ENTREP2: variants seen among roughly 807,000 people sequenced by gnomAD.
ENTREP2 encodes protein ENTREP2.
At chr15:29,328,150 T>C in the ENTREP2 span, among the ~76,000 whole-genome samples, 2 of 152,226 alleles carry the variant, frequency 1.3e-5, no homozygotes. Flanking sequence ...TGAATCTTAA[T>C]GCATATTGCT....
the ENTREP2 span, among the ~76,000 whole-genome samples, chr15:29,210,458 T>G: frequency 6.6e-6 from 1 of 152,202 alleles, no homozygotes; most frequent in African/African-American, 2.4e-5. Context: ...TGGGTGAGCA[T>G]TATTGCCTGA....
the ENTREP2 span, among the ~76,000 whole-genome samples, chr15:29,447,005 T>C: frequency 6.6e-6 from 1 of 152,156 alleles, no homozygotes; most frequent in African/African-American, 2.4e-5. Flanking sequence ...CTTAATTCCA[T>C]CCACAACCTT....
chr15:29,136,600 C>T, the ENTREP2 span: 1 of 1,304,902 alleles, frequency 7.7e-7, no homozygotes, highest in Middle Eastern at 1.9e-4. Context: ...CAGGGCTTCC[C>T]CTCTTCTAAT....
At chr15:29,248,467 T>C in the ENTREP2 span, among the ~76,000 whole-genome samples, 1 of 152,094 alleles carries the variant, frequency 6.6e-6, no homozygotes, top group Admixed American at 6.6e-5. Context: ...AAAACTATAA[T>C]ATATAAAGAG....
At chr15:29,269,372 G>T in the ENTREP2 span, 1 of 1,614,212 alleles carries the variant, frequency 6.2e-7, no homozygotes, top group East Asian at 2.2e-5. Flanking sequence ...ACGTGCTTCA[G>T]TATGTCGGCC....
chr15:29,315,743 G>T, the ENTREP2 span, among the ~76,000 whole-genome samples: 1 of 152,128 alleles, frequency 6.6e-6, no homozygotes, highest in African/African-American at 2.4e-5. Context: ...CTTTACATAT[G>T]AATACTACCA....
At chr15:29,202,674 C>T in the ENTREP2 span, among the ~76,000 whole-genome samples, 1 of 152,072 alleles carries the variant, frequency 6.6e-6, no homozygotes, top group Non-Finnish European at 1.5e-5. Context: ...TGTGATATTC[C>T]CCTCCCTGTG....
chr15:29,560,368 G>A, the ENTREP2 span, among the ~76,000 whole-genome samples: 2 of 152,184 alleles, frequency 1.3e-5, no homozygotes, highest in Non-Finnish European at 2.9e-5. Context: ...AGAGGAGAGA[G>A]GTAACAGCTT....
At chr15:29,645,553 T>C in the ENTREP2 span, among the ~76,000 whole-genome samples, 1 of 146,410 alleles carries the variant, frequency 6.8e-6, no homozygotes, top group Admixed American at 6.7e-5. Context: ...ATTACCTTAT[T>C]TATTTATTTA....
At chr15:29,471,960 C>G in the ENTREP2 span, among the ~76,000 whole-genome samples, 1 of 152,132 alleles carries the variant, frequency 6.6e-6, no homozygotes, top group Non-Finnish European at 1.5e-5. Flanking sequence ...AGTGGTCACC[C>G]AAGGAGGAGT....
the ENTREP2 span, among the ~76,000 whole-genome samples, chr15:29,229,094 G>A: frequency 2.0e-5 from 3 of 152,142 alleles, no homozygotes; most frequent in African/African-American, 7.2e-5. Flanking sequence ...GGAAGATGGT[G>A]AAGAAATATT....
chr15:29,372,993 C>T, the ENTREP2 span, among the ~76,000 whole-genome samples: 18 of 151,942 alleles, frequency 1.2e-4, no homozygotes, highest in Non-Finnish European at 2.2e-4. Context: ...AAAAATTAAA[C>T]ATTTTAGAAA....
the ENTREP2 span, among the ~76,000 whole-genome samples, chr15:29,228,087 T>G: frequency 6.6e-6 from 1 of 151,950 alleles, no homozygotes; most frequent in Admixed American, 6.6e-5. Context: ...ATCCCAACAC[T>G]TTGGGAGGCT....
chr15:29,349,228 G>A, the ENTREP2 span, among the ~76,000 whole-genome samples: 1 of 151,946 alleles, frequency 6.6e-6, no homozygotes, highest in African/African-American at 2.4e-5. Flanking sequence ...AAATCCTAAC[G>A]TACTTACTCG....
At chr15:29,280,627 C>T in the ENTREP2 span, among the ~76,000 whole-genome samples, 2 of 152,256 alleles carry the variant, frequency 1.3e-5, no homozygotes, top group African/African-American at 2.4e-5. Flanking sequence ...CCAATGCCCC[C>T]CCACACAGGT....
At chr15:29,644,369 A>G in the ENTREP2 span, among the ~76,000 whole-genome samples, 1 of 152,220 alleles carries the variant, frequency 6.6e-6, no homozygotes, top group Non-Finnish European at 1.5e-5. Context: ...AATATATACT[A>G]AAGGCCATTT....
the ENTREP2 span, among the ~76,000 whole-genome samples, chr15:29,223,686 T>C: frequency 6.6e-6 from 1 of 151,966 alleles, no homozygotes; most frequent in Non-Finnish European, 1.5e-5. Context: ...CCAGTAGAAC[T>C]CCTGTAGTGG....
At chr15:29,451,309 T>C in the ENTREP2 span, among the ~76,000 whole-genome samples, 2 of 152,206 alleles carry the variant, frequency 1.3e-5, no homozygotes, top group Admixed American at 1.3e-4. Flanking sequence ...CTCTCGCCTG[T>C]TAGGTACCCT....
the ENTREP2 span, among the ~76,000 whole-genome samples, chr15:29,632,042 A>G: frequency 1.2e-4 from 19 of 152,288 alleles, no homozygotes; most frequent in African/African-American, 4.3e-4. Flanking sequence ...TGGGCTGCCC[A>G]TTTCCCTGTC....
Sources: allele counts gnomAD v4.1 joint callset (sites outside exome capture counted in the v4.1 genomes callset), GRCh38; gene constraint gnomAD v4.1.1; transcripts MANE v1.5; gene names NCBI Gene and HGNC (gene_info 2026-07-23, HGNC 2026-07-21).